The following SLC8B1 variants were observed in gnomAD, a reference collection of about 807,000 sequenced individuals.
SLC8B1 encodes the protein mitochondrial sodium/calcium exchanger protein.
A neutral mutation model predicts 63.4 loss-of-function variants in SLC8B1; 52 were observed. That is an observed-to-expected ratio of 0.82 (90% confidence interval 0.66 to 1.03). The LOEUF is 1.03. SLC8B1 is among the 50% of genes least tolerant of loss of function. SLC8B1 has a pLI of 0.00. For synonymous variants in SLC8B1, 336 were observed against 323.9 expected, an observed-to-expected ratio of 1.04 and a Z score of -0.40; for missense variants, 657 against 741.7, an observed-to-expected ratio of 0.89 and a Z score of 1.33.
rs770057485 is a variant in SLC8B1, at chr12:113,310,364, G to A, written c.1136-9C>T. On this transcript the variant is annotated splice_polypyrimidine_tract_variant and intron_variant, in intron 11 of 15. Coordinates refer to ENST00000680972, the MANE Select transcript of SLC8B1 (RefSeq NM_001358345.2). ...TATCTCATAGACACCATCTGCAAAGGGAGAGAAAGGGAGCTGATACCTTCC... is the reference window on the plus strand; with the variant it reads ...TATCTCATAGACACCATCTGCAAAGAGAGAGAAAGGGAGCTGATACCTTCC... 9.3e-6 allele frequency: 15 copies of A among 1,610,398 alleles called. No individual in the cohort carries two copies. In the African/African-American group the frequency reaches 1.9e-4, roughly 20 times the overall value.
intron 15 of SLC8B1, chr12:113,302,766 T>A (rs1056761568): frequency 2.2e-6 from 1 of 455,780 alleles, no homozygotes; most frequent in African/African-American, 2.0e-5. Context: ...TGCAAGCTCT[T>A]AACCAATGCC....
Position 113,319,016 on chromosome 12 carries a change from G to T in SLC8B1, c.750C>A (p.Ile250=), listed in dbSNP as rs149089103. The T allele has an allele frequency of 7.7e-5, 125 of 1,614,090 alleles. No individual in the cohort carries two copies. In the African/African-American group the frequency reaches 1.1e-3, roughly 15 times the overall value. ...YVVTVILCTW[I]YQRQRRGSLF... Reference sequence around the variant, plus strand: ...GAGATCCTCTCCGTTGCCGTTGGTAGATCCAGGTGCAGAGAATCACAGTGA... The same window carrying T: ...GAGATCCTCTCCGTTGCCGTTGGTATATCCAGGTGCAGAGAATCACAGTGA... The change falls in exon 8 of 16, where the codon ATC becomes ATA. Residue 250 remains isoleucine, a synonymous_variant. Transcript: ENST00000680972.
intron 2 of SLC8B1, 24 bp from the exon 3 acceptor site, chr12:113,321,372 C>G (rs771705030): frequency 6.2e-7 from 1 of 1,614,014 alleles, no homozygotes; most frequent in East Asian, 2.2e-5. Context: ...GGGAGGGGGA[C>G]ATCAGCGGCA....
intron 12 of SLC8B1, chr12:113,308,200 A>G (rs185739049): frequency 1.7e-4 from 37 of 215,908 alleles, no homozygotes; most frequent in South Asian, 8.6e-4. Flanking sequence ...TACAAAAATT[A>G]GTCAGGCTGG....
At chr12:113,302,801 T>C in intron 15 of SLC8B1, 1 of 451,326 alleles carries the variant, frequency 2.2e-6, no homozygotes, top group Admixed American at 2.4e-5. Flanking sequence ...TGGGATGCCA[T>C]ATTACACACG....
chr12:113,325,596 G>A (rs370331720), intron 2 of SLC8B1, among the ~76,000 whole-genome samples: 18 of 142,640 alleles, frequency 1.3e-4, no homozygotes, highest in Admixed American at 8.6e-4. Flanking sequence ...ACGGAGTCTC[G>A]CTCTTTCGCC....
At chr12:113,306,646 A>C in intron 13 of SLC8B1, 71 bp from the exon 14 acceptor site, 1 of 1,268,528 alleles carries the variant, frequency 7.9e-7, no homozygotes, top group Non-Finnish European at 1.1e-6. Context: ...CCACGCCTTC[A>C]TTCTCACCCA....
chr12:113,300,058 TCAA>T (rs1274135088), intron 15 of SLC8B1, 84 bp from the exon 16 acceptor site: 12 of 1,220,800 alleles, frequency 9.8e-6, no homozygotes, highest in Admixed American at 2.0e-5. Flanking sequence ...CAATGCAGCC[TCAA>T]CAACAATGCA....
chr12:113,315,826 G>A (rs1271578524), intron 10 of SLC8B1, among the ~76,000 whole-genome samples: 1 of 152,176 alleles, frequency 6.6e-6, no homozygotes, highest in African/African-American at 2.4e-5. Context: ...CTGTGCTCCT[G>A]TCGCCACTTC....
At chr12:113,331,120 C>G (rs1165728878) in intron 2 of SLC8B1, among the ~76,000 whole-genome samples, 2 of 152,024 alleles carry the variant, frequency 1.3e-5, no homozygotes, top group East Asian at 1.9e-4. Flanking sequence ...AGGCCAGGAA[C>G]CTGGAGCCAT....
chr12:113,333,731 T>C (rs2136874869), intron 1 of SLC8B1, among the ~76,000 whole-genome samples: 1 of 151,992 alleles, frequency 6.6e-6, no homozygotes, highest in East Asian at 1.9e-4. Flanking sequence ...TTTCTTCAGA[T>C]GGAGTCTCAC....
chr12:113,327,165 A>G (rs908571533), intron 2 of SLC8B1, among the ~76,000 whole-genome samples: 14 of 152,098 alleles, frequency 9.2e-5, no homozygotes, highest in Non-Finnish European at 2.1e-4. Flanking sequence ...CACCCAGCAC[A>G]AGGAGGAAGG....
chr12:113,331,121 C>A (rs1406166213), intron 2 of SLC8B1, among the ~76,000 whole-genome samples: 1 of 152,042 alleles, frequency 6.6e-6, no homozygotes, highest in Non-Finnish European at 1.5e-5. Flanking sequence ...GGCCAGGAAC[C>A]TGGAGCCATC....
At chr12:113,327,401 C>G (rs1322472019) in intron 2 of SLC8B1, among the ~76,000 whole-genome samples, 1 of 152,128 alleles carries the variant, frequency 6.6e-6, no homozygotes, top group Non-Finnish European at 1.5e-5. Flanking sequence ...CACCCACAAG[C>G]CTAGACAGGA....
chr12:113,320,135 G>GCT lies in SLC8B1; in HGVS notation c.694+194_694+195dup, dbSNP rs1248622584. The GCT allele has an allele frequency of 6.2e-6, 4 of 644,814 alleles. No homozygotes were observed. The highest frequency in any genetic ancestry group is 3.0e-5 in the Admixed American group (1 of 33,248). The allele number at this position is 644,814 out of a possible 1,614,324, so 39.9% of individuals were successfully genotyped here. A position where few individuals can be genotyped will look rare whatever the true frequency, so the allele number is the denominator to read the frequency against. On this transcript the variant is annotated intron_variant, in intron 7 of 15. Coordinates refer to ENST00000680972, the MANE Select transcript of SLC8B1 (RefSeq NM_001358345.2). This position sits in a 1 kb window ranked among gnomAD's most constrained non-coding sequence, Gnocchi z 5.3. ...TTGAATACTCCCTCCCCAGCCCCCAGCTCTGCCAGGCCTCTTTGGTTATGT... is the reference window on the plus strand; with the variant it reads ...TTGAATACTCCCTCCCCAGCCCCCAGCTCTCTGCCAGGCCTCTTTGGTTATGT...
intron 15 of SLC8B1, among the ~76,000 whole-genome samples, chr12:113,303,162 G>A (rs1247241282): frequency 6.9e-6 from 1 of 144,786 alleles, no homozygotes; most frequent in Non-Finnish European, 1.5e-5. Context: ...CAGGAGAAAA[G>A]AGGAAATAGG....
chr12:113,308,820 T>A (rs1400396492), intron 12 of SLC8B1: 1 of 152,232 alleles, frequency 6.6e-6, no homozygotes, highest in East Asian at 1.9e-4. Flanking sequence ...ACTAAAATTT[T>A]AAAAAATCAT....
Position 113,307,702 on chromosome 12 carries a change from T to C in SLC8B1, c.1400A>G (p.Asn467Ser). The change falls in exon 13 of 16, where the codon AAC becomes AGC. Residue 467 changes from asparagine to serine, a missense_variant. Coordinates refer to ENST00000680972, the MANE Select transcript of SLC8B1 (RefSeq NM_001358345.2). Reference sequence around the variant, plus strand: ...CAGCCCTGAGTCACCTCCAATGCTGTTCCCCCAGGCCAGCAGCGTGAGCCC... The same window carrying C: ...CAGCCCTGAGTCACCTCCAATGCTGCTCCCCCAGGCCAGCAGCGTGAGCCC... ...VLGLTLLAWG[N>S]SIGDAFSDFT... 1 of 1,613,742 alleles carries C rather than the reference T, an allele frequency of 6.2e-7. No homozygotes were observed. Among genetic ancestry groups the C allele is most frequent in the Non-Finnish European group, 8.5e-7 (1 of 1,179,854 alleles).
chr12:113,299,876 G>A lies in SLC8B1; in HGVS notation c.1656C>T (p.Leu552=). ...LVSVPLQCFQ[L]SRVYGFCLLL... is the part of the protein sequence containing the mutation. ...GCAGGCAGAAGCCATAGACTCTGCTGAGCTGGAAGCACTGCAATGGGACTG... is the reference window on the plus strand; with the variant it reads ...GCAGGCAGAAGCCATAGACTCTGCTAAGCTGGAAGCACTGCAATGGGACTG... Residue 552 remains leucine (L), a synonymous_variant, in exon 16 of 16, where the codon CTC becomes CTT. Coordinates refer to ENST00000680972, the MANE Select transcript of SLC8B1 (RefSeq NM_001358345.2). The A allele has an allele frequency of 1.2e-6, 2 of 1,614,232 alleles. No individual in the cohort carries two copies. Among genetic ancestry groups the A allele is most frequent in the Non-Finnish European group, 1.7e-6 (2 of 1,180,030 alleles).
Sources: allele counts gnomAD v4.1 joint callset (sites outside exome capture counted in the v4.1 genomes callset), GRCh38; gene constraint gnomAD v4.1.1; non-coding constraint Gnocchi (gnomAD v3.1); transcripts MANE v1.5; gene names NCBI Gene and HGNC (gene_info 2026-07-23, HGNC 2026-07-21).